YAE1: variants seen among roughly 807,000 people sequenced by gnomAD.
YAE1 encodes the protein YAE1 maturation factor of ABCE1.
A neutral mutation model predicts 23.0 loss-of-function variants in YAE1; 22 were observed. The observed-to-expected ratio is 0.96, with a 90% CI of 0.68 to 1.37. The LOEUF (loss-of-function observed/expected upper bound fraction) is 1.37. YAE1 is among the 40% of genes most tolerant of loss of function. The probability of loss-of-function intolerance (pLI) is 0.00; values close to 1 mark genes in which losing one functional copy is unlikely to be tolerated. For missense variants in YAE1, 260 were observed against 262.1 expected, an observed-to-expected ratio of 0.99 and a Z score of 0.06; for synonymous variants, 101 against 97.0, an observed-to-expected ratio of 1.04 and a Z score of -0.24.
At chr7:39,598,169 G>A (rs1374428802) in intron 2 of YAE1, among the ~76,000 whole-genome samples, 2 of 151,876 alleles carry the variant, frequency 1.3e-5, no homozygotes, top group East Asian at 2.0e-4. Context: ...GAGTACAGTG[G>A]CACGATCTTA....
At chr7:39,591,408 T>C (rs1473904385) in intron 2 of YAE1, among the ~76,000 whole-genome samples, 7 of 152,248 alleles carry the variant, frequency 4.6e-5, no homozygotes, top group Non-Finnish European at 1.0e-4. Flanking sequence ...TTTATGGGTC[T>C]GGTCCACTGA....
chr7:39,579,933 C>G (rs1790716915), intron 2 of YAE1, among the ~76,000 whole-genome samples: 1 of 151,946 alleles, frequency 6.6e-6, no homozygotes, highest in Non-Finnish European at 1.5e-5. Flanking sequence ...TAGTCCCAGC[C>G]TCCTGGGAAG....
At chr7:39,610,131 C>T (rs1420487759) in exon 3 of YAE1, 2 of 905,304 alleles carry the variant, frequency 2.2e-6, no homozygotes, top group Admixed American at 2.9e-5. Flanking sequence ...AATATGTACA[C>T]GTCTCTCAAA....
rs770546204 is a variant in YAE1, at chr7:39,572,693, TCAAA to T, written c.672_675del (p.Lys224AsnfsTer59). ...CTATCAGTAGATGTATTACAACACCTCAAACAACTATAAAATTACCTTCCCTTTT... is the reference window on the plus strand; with the variant it reads ...CTATCAGTAGATGTATTACAACACCTCAACTATAAAATTACCTTCCCTTTT... On this transcript the variant is annotated frameshift_variant, in exon 3 of 3. Transcript: ENST00000223273. LOFTEE classifies it high-confidence loss of function. The T allele has an allele frequency of 6.4e-7, 1 of 1,572,382 alleles. No homozygotes were observed. The highest frequency in any genetic ancestry group is 8.6e-7 in the Non-Finnish European group (1 of 1,164,762).
intron 2 of YAE1, among the ~76,000 whole-genome samples, chr7:39,601,108 T>C (rs1024774345): frequency 3.3e-5 from 5 of 152,210 alleles, no homozygotes; most frequent in Admixed American, 1.3e-4. Context: ...CAGGCATTAT[T>C]CAAACCAAAC....
intron 1 of YAE1, among the ~76,000 whole-genome samples, chr7:39,569,009 T>C (rs1249960023): frequency 1.3e-5 from 2 of 152,116 alleles, no homozygotes; most frequent in East Asian, 1.9e-4. Context: ...CTGAGAAAAA[T>C]TATATCAAAT....
chr7:39,587,913 T>G (rs1158206984), intron 2 of YAE1, among the ~76,000 whole-genome samples: 1 of 152,182 alleles, frequency 6.6e-6, no homozygotes, highest in East Asian at 1.9e-4. Flanking sequence ...AACAAAAACT[T>G]TTGTATATAT....
downstream of YAE1, among the ~76,000 whole-genome samples, chr7:39,576,064 C>T (rs1024927117): frequency 6.6e-6 from 1 of 152,158 alleles, no homozygotes; most frequent in African/African-American, 2.4e-5. Context: ...ATATTCTGAC[C>T]AGATGATCTC....
chr7:39,570,577 G>C lies in YAE1; in HGVS notation c.201G>C (p.Lys67Asn). The stretch of plus-strand genomic sequence containing the variant: ...AACAGGGCTTCAATCAAGGTTATAA[G>C]AAAGGTGCAGAAGTCATTTTAAACT... ...TLQQGFNQGYKKGAEVILNYG... is the reference protein window; with the variant it reads ...TLQQGFNQGYNKGAEVILNYG... Residue 67 changes from lysine to asparagine, a missense_variant, in exon 2 of 3, where the codon AAG becomes AAC. Coordinates refer to ENST00000223273, the MANE Select transcript of YAE1 (RefSeq NM_020192.5). The C allele has an allele frequency of 6.2e-7, 1 of 1,611,090 alleles. No individual in the cohort carries two copies.
intron 2 of YAE1, among the ~76,000 whole-genome samples, chr7:39,579,667 C>A (rs1176291564): frequency 3.6e-4 from 51 of 140,382 alleles, no homozygotes; most frequent in African/African-American, 3.4e-4. Context: ...GACTCTGTCT[C>A]AAAAAAAAAA....
At chr7:39,604,329 C>G (rs916706276) in intron 2 of YAE1, among the ~76,000 whole-genome samples, 1 of 152,194 alleles carries the variant, frequency 6.6e-6, no homozygotes, top group Non-Finnish European at 1.5e-5. Flanking sequence ...GCCATTAAAC[C>G]ATTCTTTTGG....
downstream of YAE1, among the ~76,000 whole-genome samples, chr7:39,610,646 T>C (rs1337758793): frequency 6.6e-6 from 1 of 152,222 alleles, no homozygotes; most frequent in Non-Finnish European, 1.5e-5. Flanking sequence ...GTACATGTAC[T>C]TTAGATTATG....
chr7:39,571,305 A>G (rs1192285812), intron 2 of YAE1, among the ~76,000 whole-genome samples: 1 of 135,828 alleles, frequency 7.4e-6, no homozygotes, highest in Admixed American at 7.6e-5. Context: ...CTCATCAGCT[A>G]TCATTAGTGT....
chr7:39,587,317 A>G (rs947819524), intron 2 of YAE1, among the ~76,000 whole-genome samples: 1 of 151,894 alleles, frequency 6.6e-6, no homozygotes. Context: ...TCAGCCTCCC[A>G]ATGTGCTGGG....
In YAE1 at chr7:39,572,794, C is replaced by T. The variant is rs1434340959; in HGVS notation, c.*88C>T. The T allele has an allele frequency of 6.7e-7, 1 of 1,483,510 alleles. No homozygotes were observed. Among genetic ancestry groups the T allele is most frequent in the African/African-American group, 1.4e-5 (1 of 70,464 alleles). 91.9% of individuals were successfully genotyped at this position (1,483,510 alleles called of 1,614,324 possible). A position where few individuals can be genotyped will look rare whatever the true frequency, so the allele number is the denominator to read the frequency against. On this transcript the variant is annotated 3_prime_UTR_variant, in exon 3 of 3. Transcript: ENST00000223273. The stretch of plus-strand genomic sequence containing the variant: ...TTTGTACTGGTTTCTGCATCAAACA[C>T]CTCAACTGTAGGGTTACCCTTTATG...
chr7:39,578,209 G>C (rs1790685889), intron 2 of YAE1, among the ~76,000 whole-genome samples: 1 of 152,206 alleles, frequency 6.6e-6, no homozygotes, highest in South Asian at 2.1e-4. Context: ...AGCTAATCTG[G>C]TAGGGAGTTG....
intron 2 of YAE1, among the ~76,000 whole-genome samples, chr7:39,601,980 T>A (rs1791062186): frequency 6.6e-6 from 1 of 152,094 alleles, no homozygotes; most frequent in South Asian, 2.1e-4. Flanking sequence ...TAGAAGACAG[T>A]CAATAGGTAC....
At chr7:39,570,123 T>C in intron 1 of YAE1, 2 of 918,562 alleles carry the variant, frequency 2.2e-6, no homozygotes, top group Non-Finnish European at 3.5e-6. Flanking sequence ...CTCTGCCGCC[T>C]GTGGGTCCAG....
chr7:39,592,050 T>TGATATTTCACAGTC (rs1331599986), intron 2 of YAE1, among the ~76,000 whole-genome samples: 1 of 152,262 alleles, frequency 6.6e-6, no homozygotes, highest in Non-Finnish European at 1.5e-5. Flanking sequence ...ATTTCATAGT[T>TGATATTTCACAGTC]GATATTTCAC....
Sources: allele counts gnomAD v4.1 joint callset (sites outside exome capture counted in the v4.1 genomes callset), GRCh38; gene constraint gnomAD v4.1.1; transcripts MANE v1.5; gene names NCBI Gene and HGNC (gene_info 2026-07-23, HGNC 2026-07-21).